MAPRE2: variants seen among roughly 807,000 people sequenced by gnomAD.
MAPRE2 encodes the protein microtubule associated protein RP/EB family member 2, also known as microtubule-associated protein RP/EB family member 2.
Under a neutral mutation model 43.2 loss-of-function variants are expected in MAPRE2, and 13 were observed. That is an observed-to-expected ratio of 0.30 (90% CI 0.20 to 0.48). The LOEUF is 0.48. Ranked by LOEUF, MAPRE2 falls within the 20% of genes least tolerant of loss-of-function variation. The pLI is 0.99. For missense variants in MAPRE2, 161 were observed against 400.2 expected (o/e 0.40, Z 5.10); for synonymous variants, 135 against 148.8 (o/e 0.91, Z 0.68).
intron 2 of MAPRE2, among the ~76,000 whole-genome samples, chr18:35,014,777 T>C (rs1466423721): frequency 6.6e-6 from 1 of 152,064 alleles, no homozygotes; most frequent in Non-Finnish European, 1.5e-5. Context: ...CACAAACTTG[T>C]ATTCCCTTTT....
intron 3 of MAPRE2, among the ~76,000 whole-genome samples, chr18:35,098,099 C>A (rs1908509879): frequency 6.6e-6 from 1 of 152,318 alleles, no homozygotes; most frequent in East Asian, 1.9e-4. Context: ...CGCTCAGATT[C>A]TCAATGTCCA....
intron 2 of MAPRE2, among the ~76,000 whole-genome samples, chr18:35,076,340 T>A (rs1260789190): frequency 4.6e-5 from 7 of 152,182 alleles, no homozygotes. Context: ...GGTTTGCAAG[T>A]GCTTTGAGCA....
intron 1 of MAPRE2, among the ~76,000 whole-genome samples, chr18:34,985,524 A>AATATATAATATATATATTATAT (rs1568962009): frequency 9.7e-4 from 49 of 50,732 alleles, no homozygotes; most frequent in African/African-American, 4.2e-3. Flanking sequence ...TATATTATAT[A>AATATATAATATATATATTATAT]TTATAAATAT....
intron 4 of MAPRE2, among the ~76,000 whole-genome samples, chr18:35,122,630 A>G (rs1451897970): frequency 6.6e-6 from 1 of 152,102 alleles, no homozygotes; most frequent in Non-Finnish European, 1.5e-5. Context: ...CCCGTTAGTG[A>G]GGCTTAACGG....
At chr18:35,131,939 C>T (rs1910168188) in intron 5 of MAPRE2, 93 bp from the exon 6 acceptor site, 1 of 1,229,092 alleles carries the variant, frequency 8.1e-7, no homozygotes, top group Non-Finnish European at 1.2e-6. Context: ...TTCTCTCTCT[C>T]TCTCTCTTTT....
At chr18:35,107,033 G>T (rs1216686978) in intron 4 of MAPRE2, among the ~76,000 whole-genome samples, 1 of 152,126 alleles carries the variant, frequency 6.6e-6, no homozygotes, top group East Asian at 1.9e-4. Context: ...AGTTACTATA[G>T]CAACGACAGC....
In MAPRE2 at chr18:35,041,499, C is replaced by G; in HGVS notation, c.-41C>G. 1 of 1,613,810 alleles carries G rather than the reference C, an allele frequency of 6.2e-7. No individual in the cohort carries two copies. The highest frequency in any genetic ancestry group is 8.5e-7 in the Non-Finnish European group (1 of 1,179,916). Reference sequence around the variant, plus strand: ...AAGACGCAGCCACCTTCCTCACCAGCCAGCCCACAGCGGTTTGTTCCCCTT... The same window carrying G: ...AAGACGCAGCCACCTTCCTCACCAGGCAGCCCACAGCGGTTTGTTCCCCTT... On this transcript the variant is annotated 5_prime_UTR_variant, in exon 1 of 7. Transcript: ENST00000300249.
At chr18:35,004,759 T>C (rs926886975) in intron 1 of MAPRE2, among the ~76,000 whole-genome samples, 1 of 151,834 alleles carries the variant, frequency 6.6e-6, no homozygotes, top group Admixed American at 6.6e-5. Flanking sequence ...CTACTAAAAA[T>C]ACAGAAAAAT....
Position 34,991,846 on chromosome 18 carries a change from G to A in MAPRE2, c.-69-13646G>A, listed in dbSNP as rs73949044. ...ATAGGTAAAACAATTGTTGTGTTCT[G>A]TGCTCTATAATATCAAGTCATATTT... On this transcript the variant is annotated intron_variant, in intron 1 of 7. Transcript: ENST00000413393. Among the ~76,000 whole-genome samples, 426 of 152,246 alleles carry A rather than the reference G, an allele frequency of 2.8e-3. 2 individuals are homozygous for A. Among genetic ancestry groups the A allele is most frequent in the African/African-American group, 1.0e-2 (415 of 41,528 alleles).
intron 4 of MAPRE2, 95 bp downstream of exon 4, chr18:35,102,254 C>T: frequency 1.1e-6 from 1 of 883,312 alleles, no homozygotes; most frequent in South Asian, 2.0e-5. Context: ...TGATTCTTCT[C>T]AACAGTCAAT....
chr18:35,010,707 G>A (rs1022538697), intron 2 of MAPRE2, among the ~76,000 whole-genome samples: 12 of 152,118 alleles, frequency 7.9e-5, no homozygotes, highest in African/African-American at 2.4e-4. Flanking sequence ...CTTAAGTAGA[G>A]GTTTAGAGAT....
intron 1 of MAPRE2, among the ~76,000 whole-genome samples, chr18:35,054,125 TTTG>T (rs985134658): frequency 3.3e-5 from 5 of 152,100 alleles, no homozygotes; most frequent in Non-Finnish European, 7.4e-5. Flanking sequence ...ATTTGGCAGT[TTTG>T]TTGTTGTTTT....
chr18:35,115,319 C>T (rs1909362297), intron 4 of MAPRE2, among the ~76,000 whole-genome samples: 1 of 152,162 alleles, frequency 6.6e-6, no homozygotes, highest in Admixed American at 6.6e-5. Context: ...TACACTGTAA[C>T]TTAGAAAGTA....
chr18:35,129,446 TTTGC>T (rs1569015062), intron 5 of MAPRE2, among the ~76,000 whole-genome samples: 1 of 152,152 alleles, frequency 6.6e-6, no homozygotes, highest in Non-Finnish European at 1.5e-5. Context: ...AGGAGTCTCA[TTTGC>T]TTGGCCTCCT....
At chr18:35,126,659 TCTCTTA>T (rs1160991574) in intron 4 of MAPRE2, among the ~76,000 whole-genome samples, 2 of 152,178 alleles carry the variant, frequency 1.3e-5, no homozygotes, top group Non-Finnish European at 2.9e-5. Context: ...ATCCCTTTGT[TCTCTTA>T]CTCTTATATC....
rs75145717 is a variant in MAPRE2, at chr18:35,136,583, G to A, written c.910-3712G>A. Among the ~76,000 whole-genome samples, 527 of 152,328 alleles carry A rather than the reference G, an allele frequency of 3.5e-3. 1 individual carries two copies. Among genetic ancestry groups the A allele is most frequent in the African/African-American group, 0.012 (503 of 41,576 alleles). On this transcript the variant is annotated intron_variant, in intron 6 of 6. Transcript: ENST00000300249. ...TGTGTTGGATGTTACAGGGTGACTG[G>A]GAACATCAACAGCTCTAGAGCTAAG...
At chr18:34,987,983 C>T (rs1425983472) in intron 1 of MAPRE2, among the ~76,000 whole-genome samples, 2 of 152,170 alleles carry the variant, frequency 1.3e-5, no homozygotes, top group Admixed American at 6.6e-5. Context: ...AATAAATGAA[C>T]AGGCTAATAT....
Position 35,070,292 on chromosome 18 carries a change from A to C in MAPRE2, c.220A>C (p.Asn74His). 1 of 1,609,838 alleles carries C rather than the reference A, an allele frequency of 6.2e-7. No individual in the cohort carries two copies. The highest frequency in any genetic ancestry group is 8.5e-7 in the Non-Finnish European group (1 of 1,178,052). The change falls in exon 2 of 7, where the codon AAC becomes CAC. Residue 74 changes from asparagine to histidine, a missense_variant. By Grantham distance (68) the Asn-to-His change is moderately conservative (BLOSUM62 1). Coordinates refer to ENST00000300249, the MANE Select transcript of MAPRE2 (RefSeq NM_014268.4). ...ATGGGTTAATGACATAGTATCTTTA[A>C]ACTACACAAAAGTGGAACAGCTTTG... ...IAWVNDIVSL[N>H]YTKVEQLCSG...
intron 1 of MAPRE2, among the ~76,000 whole-genome samples, chr18:35,065,234 G>A (rs927924295): frequency 4.0e-5 from 6 of 151,846 alleles, no homozygotes; most frequent in East Asian, 1.9e-4. Context: ...GGAGGTAGAC[G>A]TTGCAGTGAG....
Sources: gnomAD v4.1 joint callset for allele counts (sites outside exome capture counted in the v4.1 genomes callset) on GRCh38, gnomAD v4.1.1 for gene constraint, MANE v1.5 for transcripts, NCBI Gene and HGNC (gene_info 2026-07-23, HGNC 2026-07-21) for gene names.